Variants in TNKS2 observed in about 807,000 individuals in gnomAD.
TNKS2 encodes the protein poly [ADP-ribose] polymerase tankyrase-2.
In TNKS2, 72 loss-of-function variants were observed where a neutral mutation model predicts 137.6. That is an observed-to-expected ratio of 0.52 (90% CI 0.43 to 0.64). The LOEUF (loss-of-function observed/expected upper bound fraction) is 0.64, where lower values mean the gene tolerates loss of function less well. TNKS2 is among the 30% of genes least tolerant of loss of function. The pLI is 0.00. For missense variants in TNKS2, 1,049 were observed against 1,410.2 expected, an observed-to-expected ratio of 0.74 and a Z score of 4.10; for synonymous variants, 516 against 512.1, an observed-to-expected ratio of 1.01 and a Z score of -0.10.
chr10:91,854,847 G>A (rs1033049052), intron 21 of TNKS2, among the ~76,000 whole-genome samples, 182 bp from the exon 22 acceptor site: 2 of 148,714 alleles, frequency 1.3e-5, no homozygotes, highest in Non-Finnish European at 3.0e-5. Flanking sequence ...AGGTTGTGGT[G>A]AGCCAAGATC....
chr10:91,810,018 A>G (rs369494516), intron 1 of TNKS2, among the ~76,000 whole-genome samples: 6 of 152,334 alleles, frequency 3.9e-5, no homozygotes, highest in South Asian at 4.1e-4. Flanking sequence ...AATGCCAACT[A>G]TGTACTAGGC....
At chr10:91,843,559 A>C (rs937915875) in intron 16 of TNKS2, among the ~76,000 whole-genome samples, 1 of 152,222 alleles carries the variant, frequency 6.6e-6, no homozygotes, top group Admixed American at 6.5e-5. Context: ...GGTTTCACTC[A>C]TAAAACTGGC....
chr10:91,844,924 T>A lies in TNKS2; in HGVS notation c.2065T>A (p.Tyr689Asn). The A allele has an allele frequency of 6.2e-7, 1 of 1,604,274 alleles. No homozygotes were observed. Among genetic ancestry groups the A allele is most frequent in the Non-Finnish European group, 8.5e-7 (1 of 1,173,834 alleles). The part of the protein sequence containing the change: ...HSTPLHLAAG[Y>N]NNLEVAEYLL... ...TTACTTCTTTTCTAAATTAGCTGGT[T>A]ATAATAATTTAGAAGTTGCAGAGTA... Residue 689 changes from tyrosine to asparagine, a missense_variant, in exon 17 of 27, where the codon TAT becomes AAT. Physicochemically the swap from Tyr to Asn is moderately radical, Grantham distance 143. Coordinates refer to ENST00000371627, the MANE Select transcript of TNKS2 (RefSeq NM_025235.4).
chr10:91,827,177 C>G lies in TNKS2; in HGVS notation c.956C>G (p.Thr319Arg). Residue 319 changes from threonine to arginine, a missense_variant, in exon 8 of 27, where the codon ACA (threonine) becomes AGA (arginine). Thr to Arg is a moderately conservative substitution (Grantham distance 71, BLOSUM62 -1). This residue lies in a region of TNKS2 where 374 missense variants were observed against 460.8 expected (regional missense o/e 0.81). Transcript: ENST00000371627. The stretch of plus-strand genomic sequence containing the variant: ...AAAAGTGCTATAGACTTGGCTCCCA[C>G]ACCACAGTTAAAAGAAAGATTAGCA... The part of the protein sequence containing the change: ...HNKSAIDLAP[T>R]PQLKERLAYE... 1 of 1,569,944 alleles carries G rather than the reference C, an allele frequency of 6.4e-7. No individual in the cohort carries two copies. Among genetic ancestry groups the G allele is most frequent in the Non-Finnish European group, 8.6e-7 (1 of 1,156,844 alleles).
At position 91,847,124 on chromosome 10, in the gene TNKS2, T is replaced by G. The variant is rs142467116; in HGVS notation, c.2358+1184T>G. ...AAAAAGCACTCAATAAATGGTACTATTATTATAAACAAATGTCATTTACAA... is the reference window on the plus strand; with the variant it reads ...AAAAAGCACTCAATAAATGGTACTAGTATTATAAACAAATGTCATTTACAA... On this transcript the variant is annotated intron_variant, in intron 18 of 26. Coordinates refer to ENST00000371627, the MANE Select transcript of TNKS2 (RefSeq NM_025235.4). Among the ~76,000 whole-genome samples the G allele has an allele frequency of 2.4e-4, 36 of 152,316 alleles. 1 individual carries two copies. The highest frequency in any genetic ancestry group is 8.2e-4 in the African/African-American group (34 of 41,554).
chr10:91,854,706 C>G (rs987119494), intron 21 of TNKS2, among the ~76,000 whole-genome samples: 1 of 151,942 alleles, frequency 6.6e-6, no homozygotes, highest in Non-Finnish European at 1.5e-5. Context: ...GAGTTCGAGA[C>G]CAGCCTGACC....
chr10:91,861,878 TA>T, intron 25 of TNKS2, 120 bp from the exon 26 acceptor site: 1 of 871,058 alleles, frequency 1.1e-6, no homozygotes, highest in Non-Finnish European at 1.7e-6. Context: ...GGTGAAATGA[TA>T]AAAACAATTA....
At chr10:91,816,762 A>C (rs952924553) in intron 2 of TNKS2, among the ~76,000 whole-genome samples, 11 of 150,172 alleles carry the variant, frequency 7.3e-5, no homozygotes, top group Non-Finnish European at 1.5e-4. Context: ...TATTTCTGTC[A>C]TGATGAACAG....
chr10:91,798,718 G>A lies in TNKS2; in HGVS notation c.28G>A (p.Gly10Arg). 8.1e-7 allele frequency: 1 copy of A among 1,239,722 alleles called. No individual in the cohort carries two copies. The highest frequency in any genetic ancestry group is 1.0e-6 in the Non-Finnish European group (1 of 987,868). The allele number at this position is 1,239,722 out of a possible 1,614,324, so 76.8% of individuals were successfully genotyped here. The change falls in exon 1 of 27, where the codon GGA becomes AGA. Residue 10 changes from glycine to arginine, a missense_variant. Transcript: ENST00000371627. The stretch of plus-strand genomic sequence containing the variant: ...GTCGGGTCGCCGCTGCGCCGGCGGG[G>A]GAGCGGCCTGCGCGAGCGCCGCGGC... MSGRRCAGG[G>R]AACASAAAEA...
chr10:91,801,909 A>G (rs1012702008), intron 1 of TNKS2, among the ~76,000 whole-genome samples: 13 of 152,238 alleles, frequency 8.5e-5, no homozygotes, highest in Non-Finnish European at 1.8e-4. Flanking sequence ...AAATTTCAGT[A>G]AAGAAGACTC....
chr10:91,854,363 C>T (rs987579415), intron 21 of TNKS2, among the ~76,000 whole-genome samples: 5 of 151,842 alleles, frequency 3.3e-5, no homozygotes, highest in Non-Finnish European at 7.4e-5. Flanking sequence ...CTTGTCAGGT[C>T]AAAAAGTAAT....
intron 16 of TNKS2, among the ~76,000 whole-genome samples, chr10:91,843,618 A>G (rs1842279645): frequency 6.6e-6 from 1 of 152,228 alleles, no homozygotes; most frequent in South Asian, 2.1e-4. Flanking sequence ...TTGTGGTTTC[A>G]GTACAGCTTT....
In TNKS2 at chr10:91,798,888, A is replaced by C; in HGVS notation, c.198A>C (p.Ala66=). 2 of 1,379,566 alleles carry C rather than the reference A, an allele frequency of 1.4e-6. No individual in the cohort carries two copies. Among genetic ancestry groups the C allele is most frequent in the Non-Finnish European group, 1.9e-6 (2 of 1,057,830 alleles). The allele number at this position is 1,379,566 out of a possible 1,614,324, so 85.5% of individuals were successfully genotyped here. A position where few individuals can be genotyped will look rare whatever the true frequency, so the allele number is the denominator to read the frequency against. Residue 66 remains alanine, a splice_region_variant and synonymous_variant, in exon 1 of 27, where the codon GCA becomes GCC. Transcript: ENST00000371627. ...AATCCACCCCGCTGCACTTCGCCGC[A>C]GGTAACCGGGGCCAGCGTCCCCTCG... ...GRKSTPLHFA[A]GFGRKDVVEY...
chr10:91,812,834 ATTTCTGATCACC>A (rs1428924319), intron 1 of TNKS2, 137 bp from the exon 2 acceptor site: 1 of 1,448,776 alleles, frequency 6.9e-7, no homozygotes, highest in Admixed American at 2.7e-5. Context: ...TTATTGATAT[ATTTCTGATCACC>A]TTTCCATTAA....
Position 91,851,310 on chromosome 10 carries a change from T to A in TNKS2, c.2789T>A (p.Val930Asp). ...CATAGGCACAAACTAATTAAAGGAG[T>A]CGAGAGACTTATCTCCGGACAACAA... is the stretch of plus-strand genomic sequence containing the variant. ...YGHRHKLIKGVERLISGQQGL... is the reference protein window; with the variant it reads ...YGHRHKLIKGDERLISGQQGL... Residue 930 changes from valine to aspartate, a missense_variant, in exon 21 of 27, where the codon GTC becomes GAC. Val to Asp is a radical substitution (Grantham distance 152). This residue lies in a region of TNKS2 where 208 missense variants were observed against 231.2 expected (regional missense o/e 0.90). Transcript: ENST00000371627. The A allele has an allele frequency of 6.2e-7, 1 of 1,607,344 alleles. No individual in the cohort carries two copies. Among genetic ancestry groups the A allele is most frequent in the Non-Finnish European group, 8.5e-7 (1 of 1,178,494 alleles).
intron 21 of TNKS2, among the ~76,000 whole-genome samples, chr10:91,852,061 T>C (rs974103009): frequency 2.7e-5 from 4 of 150,814 alleles, no homozygotes; most frequent in African/African-American, 9.8e-5. Context: ...ACCCCATCTC[T>C]ACTAAAAATA....
At chr10:91,824,067 C>T (rs11814405) in intron 7 of TNKS2, among the ~76,000 whole-genome samples, 106,183 of 152,086 alleles carry the variant, frequency 0.7, 38,251 homozygotes, top group East Asian at 0.91. Flanking sequence ...CTGAGTGGTA[C>T]TTTCCTAAGA....
chr10:91,842,492 G>T, intron 16 of TNKS2, 101 bp downstream of exon 16: 1 of 1,049,044 alleles, frequency 9.5e-7, no homozygotes, highest in Non-Finnish European at 1.4e-6. Flanking sequence ...ATTCAAATCA[G>T]GCCAAGCATG....
chr10:91,823,515 C>G (rs1423028367), intron 7 of TNKS2, among the ~76,000 whole-genome samples: 1 of 151,654 alleles, frequency 6.6e-6, no homozygotes, highest in East Asian at 1.9e-4. Flanking sequence ...TTAGTAGATA[C>G]AGAGTTTCAC....
Sources: gnomAD v4.1 joint callset for allele counts (sites outside exome capture counted in the v4.1 genomes callset) on GRCh38, gnomAD v4.1.1 for gene constraint, gnomAD v4.1.1 regional missense constraint, MANE v1.5 for transcripts, NCBI Gene and HGNC (gene_info 2026-07-23, HGNC 2026-07-21) for gene names.